ERBB4: variants seen among roughly 807,000 people sequenced by gnomAD.
The protein encoded by ERBB4 is erb-b2 receptor tyrosine kinase 4, also known as receptor tyrosine-protein kinase erbB-4.
In ERBB4, 42 loss-of-function variants were observed where a neutral mutation model predicts 158.0. That is an observed-to-expected ratio of 0.27 (90% CI 0.21 to 0.34). ERBB4 has a LOEUF of 0.34. ERBB4 is among the 10% of genes least tolerant of loss of function. ERBB4 has a pLI of 1.00. For missense variants in ERBB4, 1,333 were observed against 1,624.1 expected, an observed-to-expected ratio of 0.82 and a Z score of 3.08; for synonymous variants, 583 against 558.7, an observed-to-expected ratio of 1.04 and a Z score of -0.61.
chr2:212,281,491 A>T lies in ERBB4; in HGVS notation c.83-156588T>A, dbSNP rs80269831. 5.1e-3 allele frequency among the ~76,000 whole-genome samples: 772 copies of T among 151,920 alleles called. 4 individuals are homozygous for T. The highest frequency in any genetic ancestry group is 0.017 in the Middle Eastern group (5 of 294). On this transcript the variant is annotated intron_variant, in intron 1 of 27. Coordinates refer to ENST00000342788, the MANE Select transcript of ERBB4 (RefSeq NM_005235.3). ...GATTCCTCTGTGAGCTCGCATTTTT[A>T]AAATTTCTATTTGTAGTAGTCAGGA...
chr2:211,482,362 C>A (rs1358979999), intron 20 of ERBB4, among the ~76,000 whole-genome samples: 1 of 152,124 alleles, frequency 6.6e-6, no homozygotes, highest in Non-Finnish European at 1.5e-5. Flanking sequence ...AAGGGTCATG[C>A]CTCAGTATTG....
At chr2:211,895,506 A>G (rs917921434) in intron 3 of ERBB4, among the ~76,000 whole-genome samples, 3 of 151,752 alleles carry the variant, frequency 2.0e-5, no homozygotes, top group African/African-American at 7.3e-5. Flanking sequence ...CCATCGTCCC[A>G]CCTCAGCCTC....
chr2:212,173,672 G>A (rs2081582814), intron 1 of ERBB4, among the ~76,000 whole-genome samples: 1 of 151,958 alleles, frequency 6.6e-6, no homozygotes, highest in African/African-American at 2.4e-5. Context: ...TAAACCACTT[G>A]ACTTCTAGCA....
chr2:211,765,801 T>A (rs973930040), intron 4 of ERBB4, among the ~76,000 whole-genome samples: 1 of 152,220 alleles, frequency 6.6e-6, no homozygotes, highest in African/African-American at 2.4e-5. Context: ...ATCATTGTAT[T>A]TTTTGTAGTA....
intron 12 of ERBB4, among the ~76,000 whole-genome samples, chr2:211,695,040 C>CT (rs372712169): frequency 2.0e-4 from 31 of 152,220 alleles, no homozygotes; most frequent in African/African-American, 7.2e-4. Flanking sequence ...TCCAACATTT[C>CT]TTATGATGTT....
chr2:211,670,508 A>C (rs2071799320), intron 14 of ERBB4, among the ~76,000 whole-genome samples: 1 of 152,184 alleles, frequency 6.6e-6, no homozygotes, highest in South Asian at 2.1e-4. Context: ...ATTAGGAGAA[A>C]TTAATGAATG....
chr2:212,487,904 G>A (rs62186297), intron 1 of ERBB4, among the ~76,000 whole-genome samples: 1 of 151,958 alleles, frequency 6.6e-6, no homozygotes, highest in African/African-American at 2.4e-5. Flanking sequence ...TTACTTTCTA[G>A]CTTCCTCAAA....
intron 15 of ERBB4, among the ~76,000 whole-genome samples, chr2:211,662,276 GA>G (rs892015330): frequency 6.6e-6 from 1 of 151,694 alleles, no homozygotes. Flanking sequence ...TATTAGTGAG[GA>G]AAAAAATCAT....
In ERBB4 at chr2:211,815,230, T is replaced by C. The variant is rs76862659; in HGVS notation, c.422-27071A>G. 1.6e-3 allele frequency among the ~76,000 whole-genome samples: 241 copies of C among 152,304 alleles called. 3 individuals carry two copies. In the East Asian group the frequency reaches 0.043, roughly 27 times the overall value. On this transcript the variant is annotated intron_variant, in intron 3 of 27. Transcript: ENST00000342788. ...GGGTTATTATGACAATCTACTAGAA[T>C]AATAGCAACTATGGATTTGATTAGA...
At chr2:212,410,024 T>C (rs1236194464) in intron 1 of ERBB4, among the ~76,000 whole-genome samples, 1 of 152,068 alleles carries the variant, frequency 6.6e-6, no homozygotes, top group Non-Finnish European at 1.5e-5. Flanking sequence ...TCAAAGATTG[T>C]TAGATATTAA....
At chr2:211,597,732 C>A (rs1049643031) in intron 19 of ERBB4, among the ~76,000 whole-genome samples, 11 of 152,068 alleles carry the variant, frequency 7.2e-5, no homozygotes, top group African/African-American at 2.7e-4. Context: ...CATCAAGTCA[C>A]TACTTCACAA....
At chr2:211,781,790 T>G (rs777577063) in intron 4 of ERBB4, among the ~76,000 whole-genome samples, 2 of 151,868 alleles carry the variant, frequency 1.3e-5, no homozygotes, top group Non-Finnish European at 2.9e-5. Flanking sequence ...TAACAGCTCC[T>G]GGGCAAAAAA....
intron 1 of ERBB4, among the ~76,000 whole-genome samples, chr2:212,129,417 A>C (rs1225341839): frequency 1.3e-5 from 2 of 151,184 alleles, no homozygotes; most frequent in African/African-American, 4.8e-5. Context: ...ATACAATATT[A>C]TATCCAATAT....
At chr2:211,915,435 T>TTATATATATATATA (rs1289522405) in intron 3 of ERBB4, among the ~76,000 whole-genome samples, 5,046 of 135,202 alleles carry the variant, frequency 0.037, 122 homozygotes, top group Non-Finnish European at 0.054. Flanking sequence ...AGTTCAAACA[T>TTATATATATATATA]TACATATATA....
chr2:211,985,005 C>T (rs913203720), intron 2 of ERBB4, among the ~76,000 whole-genome samples: 17 of 152,196 alleles, frequency 1.1e-4, no homozygotes, highest in African/African-American at 3.9e-4. Context: ...CCTGGCCTGG[C>T]ATATAACACT....
intron 2 of ERBB4, among the ~76,000 whole-genome samples, chr2:212,016,061 A>G (rs1480105011): frequency 1.3e-5 from 2 of 151,486 alleles, no homozygotes; most frequent in Non-Finnish European, 2.9e-5. Context: ...ATTGGCTGCC[A>G]GGAATAATGT....
intron 16 of ERBB4, among the ~76,000 whole-genome samples, chr2:211,648,547 A>G (rs917627253): frequency 2.0e-5 from 3 of 151,798 alleles, no homozygotes; most frequent in Non-Finnish European, 4.4e-5. Context: ...AATAACATAT[A>G]TGGAGGAGGG....
At chr2:211,436,591 T>C (rs1277151863) in intron 20 of ERBB4, among the ~76,000 whole-genome samples, 1 of 152,200 alleles carries the variant, frequency 6.6e-6, no homozygotes, top group Non-Finnish European at 1.5e-5. Flanking sequence ...TACTGCTCCA[T>C]GGATAGCTAT....
chr2:211,674,973 G>A (rs898768353), intron 13 of ERBB4, among the ~76,000 whole-genome samples: 1 of 152,200 alleles, frequency 6.6e-6, no homozygotes, highest in Middle Eastern at 3.4e-3. Flanking sequence ...TCATGGAGAT[G>A]GCCTATTGCC....
Sources: gnomAD v4.1 joint callset for allele counts (sites outside exome capture counted in the v4.1 genomes callset) on GRCh38, gnomAD v4.1.1 for gene constraint, MANE v1.5 for transcripts, NCBI Gene and HGNC (gene_info 2026-07-23, HGNC 2026-07-21) for gene names.